SYNPR: variants seen among roughly 807,000 people sequenced by gnomAD.
The protein encoded by SYNPR is synaptoporin.
In SYNPR, 23 loss-of-function variants were observed where a neutral mutation model predicts 32.9. The observed-to-expected ratio is 0.70, with a 90% CI of 0.50 to 0.99. SYNPR has a LOEUF of 0.99. SYNPR is among the 50% of genes least tolerant of loss of function. SYNPR has a pLI of 0.00. For synonymous variants in SYNPR, 146 were observed against 135.9 expected (o/e 1.07, Z -0.52); for missense variants, 318 against 349.3 (o/e 0.91, Z 0.71).
chr3:63,441,547 T>C (rs1338357872), intron 2 of SYNPR, among the ~76,000 whole-genome samples: 1 of 152,214 alleles, frequency 6.6e-6, no homozygotes, highest in African/African-American at 2.4e-5. Context: ...AAATGTTTAC[T>C]GAGTGCTCAC....
intron 3 of SYNPR, among the ~76,000 whole-genome samples, chr3:63,488,330 C>G (rs955397783): frequency 6.6e-6 from 1 of 152,142 alleles, no homozygotes; most frequent in Non-Finnish European, 1.5e-5. Context: ...GTATCTCATT[C>G]TAATGTTTTG....
intron 2 of SYNPR, among the ~76,000 whole-genome samples, chr3:63,260,400 C>T (rs2086428271): frequency 6.6e-6 from 1 of 151,984 alleles, no homozygotes; most frequent in Non-Finnish European, 1.5e-5. Context: ...AGAACAGAGC[C>T]CCCAGAAATA....
At chr3:63,408,222 AAGGAAG>A (rs1283036422) in intron 2 of SYNPR, among the ~76,000 whole-genome samples, 10 of 99,034 alleles carry the variant, frequency 1.0e-4, no homozygotes, top group Non-Finnish European at 1.2e-4. Context: ...GGAAGGAAGG[AAGGAAG>A]GAAAGAAAGA....
chr3:63,435,735 A>G (rs1700072360), intron 2 of SYNPR, among the ~76,000 whole-genome samples: 1 of 152,228 alleles, frequency 6.6e-6, no homozygotes, highest in Non-Finnish European at 1.5e-5. Context: ...TGTACCATCT[A>G]TATTCTCACA....
intron 3 of SYNPR, among the ~76,000 whole-genome samples, chr3:63,495,511 C>G (rs1302009663): frequency 6.6e-6 from 1 of 152,142 alleles, no homozygotes; most frequent in African/African-American, 2.4e-5. Flanking sequence ...TGCTTGATTA[C>G]CTTTTGGCAT....
At chr3:63,538,367 A>C (rs1702243806) in intron 3 of SYNPR, among the ~76,000 whole-genome samples, 1 of 151,948 alleles carries the variant, frequency 6.6e-6, no homozygotes, top group African/African-American at 2.4e-5. Flanking sequence ...AGGAGGCCAA[A>C]GTGCTGGGAT....
At position 63,594,251 on chromosome 3, in the gene SYNPR, T is replaced by A. The variant is rs187555658; in HGVS notation, c.409-14874T>A. ...CAGACTTTGGAGCTTAGCAAACCTA[T>A]GTTGCAACCAAAGTTTAGCAGCTTA... On this transcript the variant is annotated intron_variant, in intron 4 of 5. Transcript: ENST00000478300. 2.0e-5 allele frequency among the ~76,000 whole-genome samples: 3 copies of A among 152,264 alleles called. No individual in the cohort carries two copies. In the East Asian group the frequency reaches 5.8e-4, roughly 29 times the overall value.
intron 2 of SYNPR, among the ~76,000 whole-genome samples, chr3:63,311,605 G>C (rs2086964859): frequency 6.6e-6 from 1 of 151,910 alleles, no homozygotes; most frequent in Non-Finnish European, 1.5e-5. Flanking sequence ...CCCGTCCATG[G>C]AAAAATCGTC....
intron 3 of SYNPR, among the ~76,000 whole-genome samples, chr3:63,540,507 T>C (rs1702278076): frequency 6.6e-6 from 1 of 151,848 alleles, no homozygotes; most frequent in Non-Finnish European, 1.5e-5. Flanking sequence ...AGTAGTACTT[T>C]GAGATTGATA....
chr3:63,243,339 T>C (rs1325335656), intron 1 of SYNPR, among the ~76,000 whole-genome samples: 2 of 152,038 alleles, frequency 1.3e-5, no homozygotes, highest in African/African-American at 4.8e-5. Flanking sequence ...AAGACATATT[T>C]CTACAAAAGA....
intron 2 of SYNPR, among the ~76,000 whole-genome samples, chr3:63,320,821 T>A (rs1283183453): frequency 2.6e-5 from 4 of 152,106 alleles, no homozygotes; most frequent in African/African-American, 9.7e-5. Flanking sequence ...TTTTGTGATT[T>A]ACTATGTGGC....
chr3:63,241,828 C>T (rs1288920550), intron 1 of SYNPR, among the ~76,000 whole-genome samples: 4 of 151,676 alleles, frequency 2.6e-5, no homozygotes, highest in African/African-American at 9.7e-5. Context: ...TTGTTATATC[C>T]AGCCAAAAGC....
At chr3:63,503,149 G>C (rs1476985599) in intron 3 of SYNPR, among the ~76,000 whole-genome samples, 3 of 152,008 alleles carry the variant, frequency 2.0e-5, no homozygotes, top group Non-Finnish European at 4.4e-5. Flanking sequence ...AATATTAAGA[G>C]GTATGTAATT....
At chr3:63,285,474 T>C (rs540462358) in intron 2 of SYNPR, among the ~76,000 whole-genome samples, 17 of 152,338 alleles carry the variant, frequency 1.1e-4, no homozygotes, top group Middle Eastern at 6.8e-3. Context: ...TGAGCAGCAA[T>C]CTACGATTGA....
intron 2 of SYNPR, among the ~76,000 whole-genome samples, chr3:63,260,473 G>A (rs1380614807): frequency 1.3e-5 from 2 of 152,136 alleles, no homozygotes; most frequent in Non-Finnish European, 2.9e-5. Flanking sequence ...ATGGGGAAAA[G>A]ATTCTTTATT....
intron 1 of SYNPR, among the ~76,000 whole-genome samples, chr3:63,239,206 C>T (rs1455134730): frequency 6.6e-6 from 1 of 151,184 alleles, no homozygotes; most frequent in Non-Finnish European, 1.5e-5. Flanking sequence ...GGCACAGTTT[C>T]TTCAAAATTT....
At chr3:63,537,873 A>G (rs1389866703) in intron 3 of SYNPR, among the ~76,000 whole-genome samples, 1 of 152,146 alleles carries the variant, frequency 6.6e-6, no homozygotes. Flanking sequence ...TGCTCTGTGG[A>G]ATATTCTTGT....
chr3:63,442,460 T>C (rs1700196771), intron 2 of SYNPR, among the ~76,000 whole-genome samples: 1 of 152,144 alleles, frequency 6.6e-6, no homozygotes, highest in Non-Finnish European at 1.5e-5. Context: ...GGAAACATTG[T>C]CCACGATGCC....
At chr3:63,524,249 A>G (rs1338113778) in intron 3 of SYNPR, among the ~76,000 whole-genome samples, 1 of 152,208 alleles carries the variant, frequency 6.6e-6, no homozygotes, top group Non-Finnish European at 1.5e-5. Flanking sequence ...ACCGAAAAAA[A>G]TCATCTCACA....
Sources: gnomAD v4.1 joint callset for allele counts (sites outside exome capture counted in the v4.1 genomes callset) on GRCh38, gnomAD v4.1.1 for gene constraint, MANE v1.5 for transcripts, NCBI Gene and HGNC (gene_info 2026-07-23, HGNC 2026-07-21) for gene names.